The following LMNB1 variants were observed in gnomAD, a reference collection of about 807,000 sequenced individuals.
LMNB1 encodes the protein lamin B1.
In LMNB1, 23 loss-of-function variants were observed where a neutral mutation model predicts 67.1. That is an observed-to-expected ratio of 0.34 (90% confidence interval 0.25 to 0.49). LMNB1 has a LOEUF of 0.49. LMNB1 is among the 20% of genes least tolerant of loss of function. The pLI, the probability that LMNB1 is intolerant of heterozygous loss-of-function variation, is 0.99. For synonymous variants in LMNB1, 281 were observed against 282.9 expected, an observed-to-expected ratio of 0.99 and a Z score of 0.07; for missense variants, 634 against 746.5, an observed-to-expected ratio of 0.85 and a Z score of 1.76.
Position 126,832,676 on chromosome 5 carries a change from A to G in LMNB1, c.1612-18A>G. On this transcript the variant is annotated intron_variant, in intron 9 of 10. Transcript: ENST00000261366. ...GATTTTAAGTGTGTTTTTTAACTTAAACTACTATTGTTTTTAGGAGGTTGC... is the reference window on the plus strand; with the variant it reads ...GATTTTAAGTGTGTTTTTTAACTTAGACTACTATTGTTTTTAGGAGGTTGC... 1 of 1,563,080 alleles carries G rather than the reference A, an allele frequency of 6.4e-7. No individual in the cohort carries two copies. The highest frequency in any genetic ancestry group is 8.8e-7 in the Non-Finnish European group (1 of 1,135,080).
intron 9 of LMNB1, 85 bp from the exon 10 acceptor site, chr5:126,832,607 CTG>C: frequency 3.2e-6 from 3 of 924,344 alleles, no homozygotes; most frequent in Non-Finnish European, 5.1e-6. Flanking sequence ...GCAAGAAATG[CTG>C]TCTCTTAAGC....
chr5:126,831,339 T>G (rs566002733), intron 9 of LMNB1, among the ~76,000 whole-genome samples: 1 of 152,358 alleles, frequency 6.6e-6, no homozygotes, highest in Non-Finnish European at 1.5e-5. Flanking sequence ...GATCATCAGG[T>G]TAGCCTTGTG....
Position 126,800,254 on chromosome 5 carries a change from GATGTATATACCATGCACC to G in LMNB1, c.360-4519_360-4502del, listed in dbSNP as rs573798729. Among the ~76,000 whole-genome samples, 245 of 152,238 alleles carry G rather than the reference GATGTATATACCATGCACC, an allele frequency of 1.6e-3. 1 individual carries two copies. The highest frequency in any genetic ancestry group is 5.5e-3 in the African/African-American group (228 of 41,538). On this transcript the variant is annotated intron_variant, in intron 1 of 10. Transcript: ENST00000261366. ...GACATGGAATCTTAAATTTTAAAAA[GATGTATATACCATGCACC>G]ATATGAGAATGATGCACCAAGTGCT...
intron 1 of LMNB1, 123 bp downstream of exon 1, chr5:126,777,990 G>C: frequency 1.1e-6 from 1 of 872,456 alleles, no homozygotes; most frequent in African/African-American, 1.8e-5. Flanking sequence ...TCCTTCTGAA[G>C]GAACAGGGTC....
intron 1 of LMNB1, among the ~76,000 whole-genome samples, chr5:126,792,300 G>T (rs965617424): frequency 6.6e-6 from 1 of 151,596 alleles, no homozygotes; most frequent in African/African-American, 2.4e-5. Context: ...GTGCCATTAC[G>T]CCTGGCTAAC....
At chr5:126,825,109 G>A (rs1751966504) in intron 8 of LMNB1, among the ~76,000 whole-genome samples, 1 of 152,090 alleles carries the variant, frequency 6.6e-6, no homozygotes, top group Admixed American at 6.6e-5. Flanking sequence ...GTTTTTAAAT[G>A]ATCTTTCTAA....
intron 4 of LMNB1, among the ~76,000 whole-genome samples, chr5:126,811,552 GTA>G (rs1325355713): frequency 6.6e-6 from 1 of 152,080 alleles, no homozygotes; most frequent in Non-Finnish European, 1.5e-5. Flanking sequence ...AAAGGCCTAG[GTA>G]TATTAGCATT....
At position 126,780,919 on chromosome 5, in the gene LMNB1, C is replaced by T. The variant is rs140989677; in HGVS notation, c.359+3052C>T. On this transcript the variant is annotated intron_variant, in intron 1 of 10. Coordinates refer to ENST00000261366, the MANE Select transcript of LMNB1 (RefSeq NM_005573.4). ...TTTTGAAGATATTTAATCATAATAT[C>T]TATCACATGAATCTGCTTTCTTCCC... Among the ~76,000 whole-genome samples, 17 of 152,250 alleles carry T rather than the reference C, an allele frequency of 1.1e-4. No homozygotes were observed. The East Asian group carries it at 3.3e-3, about 29-fold the overall frequency.
chr5:126,812,718 CTTTTTTTTTTTT>C (rs11430160), intron 5 of LMNB1, among the ~76,000 whole-genome samples: 8 of 117,158 alleles, frequency 6.8e-5, no homozygotes, highest in Non-Finnish European at 1.2e-4. Context: ...CTTTATTTTA[CTTTTTTTTTTTT>C]TTTTTTTTTT....
At chr5:126,833,934 A>AACAG (rs1286313105) in intron 10 of LMNB1, among the ~76,000 whole-genome samples, 9 of 152,190 alleles carry the variant, frequency 5.9e-5, no homozygotes, top group African/African-American at 1.9e-4. Flanking sequence ...TTGCTTCACT[A>AACAG]ACAGACCACC....
intron 1 of LMNB1, among the ~76,000 whole-genome samples, chr5:126,796,089 C>T (rs1434695747): frequency 1.3e-5 from 2 of 151,804 alleles, no homozygotes; most frequent in East Asian, 1.9e-4. Flanking sequence ...TGCACCACTA[C>T]GCCCGGCCAA....
intron 8 of LMNB1, among the ~76,000 whole-genome samples, 178 bp from the exon 9 acceptor site, chr5:126,825,810 C>T (rs1039851286): frequency 1.3e-5 from 2 of 152,160 alleles, no homozygotes; most frequent in Admixed American, 6.5e-5. Flanking sequence ...GATGGGGAAG[C>T]TGAGGCCTTG....
At chr5:126,825,312 A>G (rs1381851340) in intron 8 of LMNB1, among the ~76,000 whole-genome samples, 1 of 152,188 alleles carries the variant, frequency 6.6e-6, no homozygotes, top group East Asian at 1.9e-4. Context: ...TCTTTGACCT[A>G]TTTCAATAGC....
At chr5:126,811,347 C>G (rs550416309) in intron 4 of LMNB1, among the ~76,000 whole-genome samples, 1 of 152,072 alleles carries the variant, frequency 6.6e-6, no homozygotes, top group Non-Finnish European at 1.5e-5. Context: ...CTGGTTTGAA[C>G]GAATCTATAA....
At chr5:126,800,352 A>G (rs1029962290) in intron 1 of LMNB1, among the ~76,000 whole-genome samples, 2 of 152,166 alleles carry the variant, frequency 1.3e-5, no homozygotes, top group Admixed American at 1.3e-4. Context: ...AAAGCAGGGA[A>G]GCATTACAGA....
chr5:126,829,313 C>A (rs962248112), intron 9 of LMNB1, among the ~76,000 whole-genome samples: 3 of 151,818 alleles, frequency 2.0e-5, no homozygotes, highest in Non-Finnish European at 4.4e-5. Context: ...TGGTTGCCTC[C>A]CTTGGGGACG....
chr5:126,827,049 G>C (rs984178905), intron 9 of LMNB1, among the ~76,000 whole-genome samples: 1 of 152,120 alleles, frequency 6.6e-6, no homozygotes, highest in Non-Finnish European at 1.5e-5. Context: ...CCAGTTTCCA[G>C]GCTGGCAGGC....
chr5:126,806,811 T>C (rs542057951), intron 3 of LMNB1, among the ~76,000 whole-genome samples: 2 of 151,624 alleles, frequency 1.3e-5, no homozygotes, highest in South Asian at 4.2e-4. Context: ...CGAGACCCGC[T>C]CTGTCGCCCA....
At chr5:126,784,778 G>C (rs945336572) in intron 1 of LMNB1, among the ~76,000 whole-genome samples, 1 of 148,956 alleles carries the variant, frequency 6.7e-6, no homozygotes, top group African/African-American at 2.5e-5. Context: ...GCCTCACTCA[G>C]CCTCCTGAGT....
Sources: gnomAD v4.1 joint callset for allele counts (sites outside exome capture counted in the v4.1 genomes callset) on GRCh38, gnomAD v4.1.1 for gene constraint, MANE v1.5 for transcripts, NCBI Gene and HGNC (gene_info 2026-07-23, HGNC 2026-07-21) for gene names.